Variants in ST6GALNAC3 observed in about 807,000 individuals in gnomAD.
ST6GALNAC3 encodes ST6 N-acetylgalactosaminide alpha-2,6-sialyltransferase 3.
A neutral mutation model predicts 32.7 loss-of-function variants in ST6GALNAC3; 25 were observed. The ratio of observed to expected loss-of-function variants is 0.76; its 90% CI spans 0.56 to 1.07. ST6GALNAC3 has a LOEUF of 1.07. Ranked by LOEUF, ST6GALNAC3 falls within the 50% of genes least tolerant of loss-of-function variation. The pLI is 0.00. For missense variants in ST6GALNAC3, 355 were observed against 382.4 expected (o/e 0.93, Z 0.60); for synonymous variants, 129 against 133.1 (o/e 0.97, Z 0.21).
At chr1:76,623,773 A>G (rs1010079431) in intron 3 of ST6GALNAC3, among the ~76,000 whole-genome samples, 1 of 151,970 alleles carries the variant, frequency 6.6e-6, no homozygotes, top group Admixed American at 6.6e-5. Flanking sequence ...AGTTGTGTGT[A>G]ATTTATAATT....
chr1:76,448,699 G>A (rs1657165337), intron 3 of ST6GALNAC3, among the ~76,000 whole-genome samples: 1 of 152,150 alleles, frequency 6.6e-6, no homozygotes, highest in South Asian at 2.1e-4. Flanking sequence ...GAGTTGCCCT[G>A]CAGAAGCTCT....
At position 76,329,537 on chromosome 1, in the gene ST6GALNAC3, A is replaced by G. The variant is rs1647146689; in HGVS notation, c.213+15538A>G. On this transcript the variant is annotated intron_variant, in intron 2 of 4. Transcript: ENST00000328299. ...TCAAACTGGCAAGCTTCTTTATGCC[A>G]TCTCTACATGTAGAAAAAGTCTACC... 3.3e-5 allele frequency among the ~76,000 whole-genome samples: 5 copies of G among 152,154 alleles called. No individual in the cohort carries two copies. In the South Asian group the frequency reaches 1.0e-3, roughly 32 times the overall value.
intron 3 of ST6GALNAC3, among the ~76,000 whole-genome samples, chr1:76,554,798 T>G (rs1664827156): frequency 1.3e-5 from 2 of 152,136 alleles, no homozygotes; most frequent in South Asian, 4.1e-4. Context: ...CTAGAAACAC[T>G]TCTAATAATT....
chr1:76,236,149 T>TGG (rs1656646093), intron 1 of ST6GALNAC3, among the ~76,000 whole-genome samples: 4 of 152,110 alleles, frequency 2.6e-5, no homozygotes, highest in African/African-American at 9.7e-5. Flanking sequence ...GGTTTCGCCA[T>TGG]GTTGGCCAGG....
intron 1 of ST6GALNAC3, among the ~76,000 whole-genome samples, chr1:76,142,557 G>T (rs1295643106): frequency 6.6e-6 from 1 of 152,206 alleles, no homozygotes; most frequent in African/African-American, 2.4e-5. Context: ...CCACAGTGTG[G>T]CTCCTGACTG....
chr1:76,340,031 A>G (rs919674295), intron 2 of ST6GALNAC3, among the ~76,000 whole-genome samples: 1 of 152,212 alleles, frequency 6.6e-6, no homozygotes, highest in South Asian at 2.1e-4. Flanking sequence ...CTGAGATTCA[A>G]AGAGCAAGGG....
chr1:76,227,518 A>G (rs1656142369), intron 1 of ST6GALNAC3, among the ~76,000 whole-genome samples: 1 of 152,214 alleles, frequency 6.6e-6, no homozygotes, highest in Non-Finnish European at 1.5e-5. Flanking sequence ...GACAGTTCTC[A>G]GTAAATCTTT....
intron 3 of ST6GALNAC3, among the ~76,000 whole-genome samples, chr1:76,586,502 T>G (rs1429650110): frequency 6.6e-6 from 1 of 152,228 alleles, no homozygotes; most frequent in Non-Finnish European, 1.5e-5. Flanking sequence ...GCACTATCTC[T>G]CTCCTACTCC....
chr1:76,251,656 G>A (rs754355806), intron 1 of ST6GALNAC3, among the ~76,000 whole-genome samples: 29 of 152,110 alleles, frequency 1.9e-4, no homozygotes, highest in Non-Finnish European at 3.4e-4. Flanking sequence ...TGAGATCCAC[G>A]GCAACTTGCG....
intron 3 of ST6GALNAC3, among the ~76,000 whole-genome samples, chr1:76,436,733 A>G (rs1656172260): frequency 2.6e-5 from 4 of 152,074 alleles, no homozygotes; most frequent in Admixed American, 2.0e-4. Context: ...CCCTCCCCTT[A>G]CAAGGAATTG....
At chr1:76,358,578 C>T (rs1266396080) in intron 2 of ST6GALNAC3, among the ~76,000 whole-genome samples, 1 of 152,132 alleles carries the variant, frequency 6.6e-6, no homozygotes, top group Non-Finnish European at 1.5e-5. Flanking sequence ...ACCTAGATTT[C>T]TGCAAAAACT....
chr1:76,273,867 C>T (rs1463696904), intron 1 of ST6GALNAC3, among the ~76,000 whole-genome samples: 2 of 152,102 alleles, frequency 1.3e-5, no homozygotes, highest in Non-Finnish European at 2.9e-5. Context: ...GTTTATTTCC[C>T]TCCACACATA....
intron 3 of ST6GALNAC3, among the ~76,000 whole-genome samples, chr1:76,536,780 G>T (rs1663635319): frequency 6.7e-6 from 1 of 150,202 alleles, no homozygotes; most frequent in Non-Finnish European, 1.5e-5. Flanking sequence ...TCAACAAGAA[G>T]AGCTAACTAT....
At chr1:76,164,752 A>C (rs1031094878) in intron 1 of ST6GALNAC3, among the ~76,000 whole-genome samples, 26 of 152,308 alleles carry the variant, frequency 1.7e-4, no homozygotes, top group African/African-American at 6.0e-4. Context: ...GATAAAAATA[A>C]TTTGAGTAAA....
chr1:76,437,790 G>A (rs1014536129), intron 3 of ST6GALNAC3, among the ~76,000 whole-genome samples: 3 of 151,626 alleles, frequency 2.0e-5, no homozygotes, highest in Non-Finnish European at 2.9e-5. Flanking sequence ...TGGCCAGGAC[G>A]GTCTCGATCT....
At chr1:76,433,629 C>A (rs985431926) in intron 3 of ST6GALNAC3, among the ~76,000 whole-genome samples, 2 of 152,184 alleles carry the variant, frequency 1.3e-5, no homozygotes, top group Non-Finnish European at 2.9e-5. Flanking sequence ...CCAAGCATAA[C>A]CACAATGGCT....
At chr1:76,413,373 A>G (rs570592917) in intron 3 of ST6GALNAC3, among the ~76,000 whole-genome samples, 25 of 152,192 alleles carry the variant, frequency 1.6e-4, no homozygotes, top group Non-Finnish European at 3.1e-4. Flanking sequence ...TTTGTGCAAT[A>G]TCATGGATAA....
At chr1:76,236,417 T>A (rs990567848) in intron 1 of ST6GALNAC3, among the ~76,000 whole-genome samples, 4 of 152,192 alleles carry the variant, frequency 2.6e-5, no homozygotes, top group Admixed American at 1.3e-4. Context: ...GTACAAAAAT[T>A]GCTATGTGAG....
At chr1:76,088,345 A>G (rs929111727) in intron 1 of ST6GALNAC3, among the ~76,000 whole-genome samples, 4 of 152,218 alleles carry the variant, frequency 2.6e-5, no homozygotes, top group East Asian at 1.9e-4. Flanking sequence ...TAACAAATTA[A>G]CCTACTTAAA....
Sources: allele counts gnomAD v4.1 joint callset (sites outside exome capture counted in the v4.1 genomes callset), GRCh38; gene constraint gnomAD v4.1.1; transcripts MANE v1.5; gene names NCBI Gene and HGNC (gene_info 2026-07-23, HGNC 2026-07-21).